Variants in FKBP15 observed in about 807,000 individuals in gnomAD.
FKBP15 encodes FKBP prolyl isomerase family member 15.
In FKBP15, 106 loss-of-function variants were observed where a neutral mutation model predicts 158.1. The observed-to-expected ratio is 0.67, with a 90% CI of 0.57 to 0.79. FKBP15 has a LOEUF of 0.79. Ranked by LOEUF, FKBP15 falls within the 30% of genes least tolerant of loss-of-function variation. The pLI is 0.00. For missense variants in FKBP15, 1,287 were observed against 1,479.1 expected (o/e 0.87, Z 2.13); for synonymous variants, 547 against 548.6 (o/e 1.00, Z 0.04).
At chr9:113,216,349 T>C (rs1401426960) in intron 1 of FKBP15, among the ~76,000 whole-genome samples, 1 of 152,190 alleles carries the variant, frequency 6.6e-6, no homozygotes, top group Admixed American at 6.5e-5. Flanking sequence ...CAAAATAAAT[T>C]TTATATGACT....
At position 113,164,021 on chromosome 9, in the gene FKBP15, A is replaced by G. The variant is rs976300243; in HGVS notation, c.*2057T>C. 4 of 152,660 alleles carry G rather than the reference A, an allele frequency of 2.6e-5. No individual in the cohort carries two copies. The highest frequency in any genetic ancestry group is 9.6e-5 in the African/African-American group (4 of 41,452). 9.5% of individuals were successfully genotyped at this position (152,660 alleles called of 1,614,324 possible). A position where few individuals can be genotyped will look rare whatever the true frequency, so the allele number is the denominator to read the frequency against. On this transcript the variant is annotated 3_prime_UTR_variant, in exon 28 of 28. Transcript: ENST00000238256. Reference sequence around the variant, plus strand: ...AACCTCTTCACTTTATAAAAAAGGAAAGAGAGAAAATCACTGCTGTATACT... The same window carrying G: ...AACCTCTTCACTTTATAAAAAAGGAGAGAGAGAAAATCACTGCTGTATACT...
Position 113,184,573 on chromosome 9 carries a change from T to G in FKBP15, c.1608+122A>C. 2.1e-6 allele frequency: 2 copies of G among 937,424 alleles called. No homozygotes were observed. The highest frequency in any genetic ancestry group is 2.2e-5 in the Admixed American group (1 of 45,950). The allele number at this position is 937,424 out of a possible 1,614,324, so 58.1% of individuals were successfully genotyped here. A position where few individuals can be genotyped will look rare whatever the true frequency, so the allele number is the denominator to read the frequency against. On this transcript the variant is annotated intron_variant, in intron 16 of 27. Coordinates refer to ENST00000238256, the MANE Select transcript of FKBP15 (RefSeq NM_015258.2). The surrounding 1 kb of genome is among the most constrained non-coding windows in gnomAD (Gnocchi z 4.5). ...ATCCCAACATAATTATAACTATCCTTGTAGGGAAATAACCTCTCACTACTA... is the reference window on the plus strand; with the variant it reads ...ATCCCAACATAATTATAACTATCCTGGTAGGGAAATAACCTCTCACTACTA...
chr9:113,198,616 GT>G lies in FKBP15; in HGVS notation c.717+238del, dbSNP rs1209014371. Among the ~76,000 whole-genome samples, 1 of 152,206 alleles carries G rather than the reference GT, an allele frequency of 6.6e-6. No individual in the cohort carries two copies. The highest frequency in any genetic ancestry group is 1.5e-5 in the Non-Finnish European group (1 of 68,042). Reference sequence around the variant, plus strand: ...AAAAATACAAAATTAGCTGGGTGTGGTGGCGCATGCCTGTAATCCCAGCTAC... The same window carrying G: ...AAAAATACAAAATTAGCTGGGTGTGGGGCGCATGCCTGTAATCCCAGCTAC... On this transcript the variant is annotated intron_variant, in intron 8 of 27. Coordinates refer to ENST00000238256, the MANE Select transcript of FKBP15 (RefSeq NM_015258.2). This position sits in a 1 kb window ranked among gnomAD's most constrained non-coding sequence, Gnocchi z 5.2.
intron 2 of FKBP15, among the ~76,000 whole-genome samples, chr9:113,209,027 AAT>A (rs1830951472): frequency 1.4e-5 from 2 of 146,198 alleles, no homozygotes; most frequent in Admixed American, 1.4e-4. Flanking sequence ...AAAAAAAAAA[AAT>A]TCCCTTGAAC....
rs1485199737 is a variant in FKBP15 at position 113,162,030 on chromosome 9, C to T, written c.*4048G>A. 4.9e-6 allele frequency: 2 copies of T among 405,866 alleles called. No homozygotes were observed. The highest frequency in any genetic ancestry group is 9.2e-6 in the Non-Finnish European group (2 of 217,448). 25.1% of individuals were successfully genotyped at this position (405,866 alleles called of 1,614,324 possible). ...CACCAGTTCCATGGGTCACTAGGCT[C>T]CCATATCCAGGAGGGGATCTGCAGC... On this transcript the variant is annotated 3_prime_UTR_variant, in exon 28 of 28. Transcript: ENST00000238256.
At chr9:113,175,564 CTTAG>C in intron 21 of FKBP15, among the ~76,000 whole-genome samples, 1 of 152,264 alleles carries the variant, frequency 6.6e-6, no homozygotes, top group South Asian at 2.1e-4. Context: ...ACTTTGTTCA[CTTAG>C]TATTTCCTGA....
chr9:113,217,790 A>T (rs902120264), intron 1 of FKBP15, among the ~76,000 whole-genome samples: 8 of 152,182 alleles, frequency 5.3e-5, no homozygotes, highest in African/African-American at 1.9e-4. Flanking sequence ...GCAGTGAGCC[A>T]TGACTGCACC....
Position 113,184,331 on chromosome 9 carries a change from T to G in FKBP15, c.1677A>C (p.Glu559Asp), listed in dbSNP as rs752369685. The G allele has an allele frequency of 2.5e-6, 4 of 1,605,950 alleles. No homozygotes were observed. The Admixed American group carries it at 6.8e-5, about 27-fold the overall frequency. Residue 559 changes from glutamate to aspartate, a missense_variant, in exon 17 of 28, where the codon GAA becomes GAC. By Grantham distance (45) the Glu-to-Asp change is conservative. Transcript: ENST00000238256. The surrounding 1 kb of genome is among the most constrained non-coding windows in gnomAD (Gnocchi z 4.5). ...GGATGTTGCTCATAATCATGCTTGT[T>G]TCCATTGTAACTGACATGCTAGGAA... ...MLIPSMSVTM[E>D]TSMIMSNIQR...
At position 113,164,751 on chromosome 9, in the gene FKBP15, A is replaced by G. The variant is rs952294155; in HGVS notation, c.*1327T>C. 6 of 152,316 alleles carry G rather than the reference A, an allele frequency of 3.9e-5. No individual in the cohort carries two copies. The highest frequency in any genetic ancestry group is 1.9e-4 in the East Asian group (1 of 5,180). 9.4% of individuals were successfully genotyped at this position (152,316 alleles called of 1,614,324 possible). On this transcript the variant is annotated 3_prime_UTR_variant, in exon 28 of 28. Coordinates refer to ENST00000238256, the MANE Select transcript of FKBP15 (RefSeq NM_015258.2). ...TGTGCTGAGGCTTCCTAGATATGTAACTTTGGGCAAATTACTTTACCTCTC... is the reference window on the plus strand; with the variant it reads ...TGTGCTGAGGCTTCCTAGATATGTAGCTTTGGGCAAATTACTTTACCTCTC...
intron 1 of FKBP15, among the ~76,000 whole-genome samples, chr9:113,214,294 C>T (rs1289289089): frequency 6.6e-6 from 1 of 152,204 alleles, no homozygotes; most frequent in African/African-American, 2.4e-5. Context: ...TGTGCTTAGC[C>T]ATGAAATGTA....
chr9:113,210,371 T>TC (rs1830977410), intron 2 of FKBP15, among the ~76,000 whole-genome samples: 1 of 149,382 alleles, frequency 6.7e-6, no homozygotes, highest in African/African-American at 2.5e-5. Flanking sequence ...TCTTGCTCTG[T>TC]TGCCAGGCTG....
At chr9:113,194,334 T>C (rs913733256) in intron 9 of FKBP15, among the ~76,000 whole-genome samples, 165 bp from the exon 10 acceptor site, 2 of 151,892 alleles carry the variant, frequency 1.3e-5, no homozygotes, top group Non-Finnish European at 2.9e-5. Context: ...AGTTAGTGGG[T>C]GCAGCACACC....
chr9:113,171,134 G>T (rs1470395748), intron 24 of FKBP15, among the ~76,000 whole-genome samples: 5 of 152,136 alleles, frequency 3.3e-5, no homozygotes, highest in Non-Finnish European at 7.4e-5. Context: ...TTAAACTCAA[G>T]AACCAAATCT....
Position 113,170,546 on chromosome 9 carries a change from C to A in FKBP15, c.2742G>T (p.Leu914=). The A allele has an allele frequency of 1.2e-6, 2 of 1,613,502 alleles. No individual in the cohort carries two copies. Among genetic ancestry groups the A allele is most frequent in the Non-Finnish European group, 1.7e-6 (2 of 1,179,458 alleles). ...CCTTGATCGTATTCATGATGGTTCC[C>A]AGAATGGTCCTGCCATTGTAAGATT... is the stretch of plus-strand genomic sequence containing the variant. ...LEESYNGRTI[L]GTIMNTIKMV... The change falls in exon 25 of 28, where the codon CTG becomes CTT. Residue 914 remains leucine (L), a synonymous_variant. Coordinates refer to ENST00000238256, the MANE Select transcript of FKBP15 (RefSeq NM_015258.2).
intron 22 of FKBP15, 139 bp from the exon 23 acceptor site, chr9:113,173,744 T>G (rs1004958413): frequency 8.5e-6 from 7 of 822,202 alleles, no homozygotes; most frequent in Non-Finnish European, 1.3e-5. Context: ...TTTAAAAGAC[T>G]CATTACTTTT....
rs1587959268 is a variant in FKBP15, at chr9:113,186,100, T to C, written c.1498+149A>G. 8.3e-6 allele frequency: 5 copies of C among 598,874 alleles called. No homozygotes were observed. In the South Asian group the frequency reaches 1.2e-4, roughly 14 times the overall value. The allele number at this position is 598,874 out of a possible 1,614,324, so 37.1% of individuals were successfully genotyped here. A position where few individuals can be genotyped will look rare whatever the true frequency, so the allele number is the denominator to read the frequency against. On this transcript the variant is annotated intron_variant, in intron 15 of 27. Transcript: ENST00000238256. ...ATTGCACATTTAAAATGAATGAATGTGTGGAATACATATTATATCTCAACA... is the reference window on the plus strand; with the variant it reads ...ATTGCACATTTAAAATGAATGAATGCGTGGAATACATATTATATCTCAACA...
At chr9:113,179,913 TGACAATGAA>T (rs1409002256) in intron 19 of FKBP15, among the ~76,000 whole-genome samples, 1 of 152,206 alleles carries the variant, frequency 6.6e-6, no homozygotes, top group African/African-American at 2.4e-5. Flanking sequence ...TAAACACAGA[TGACAATGAA>T]ATCTAGAAGT....
intron 27 of FKBP15, among the ~76,000 whole-genome samples, chr9:113,167,736 G>C (rs1017365685): frequency 5.3e-5 from 8 of 152,168 alleles, no homozygotes; most frequent in African/African-American, 1.9e-4. Context: ...GCATTTCAGA[G>C]CAGTCAAAAT....
intron 2 of FKBP15, among the ~76,000 whole-genome samples, chr9:113,209,877 C>G (rs531835918): frequency 3.3e-5 from 5 of 152,292 alleles, no homozygotes; most frequent in African/African-American, 9.6e-5. Context: ...TCTAGAATCT[C>G]AAATAAAAGC....
Sources: allele counts gnomAD v4.1 joint callset (sites outside exome capture counted in the v4.1 genomes callset), GRCh38; gene constraint gnomAD v4.1.1; non-coding constraint Gnocchi (gnomAD v3.1); transcripts MANE v1.5; gene names NCBI Gene and HGNC (gene_info 2026-07-23, HGNC 2026-07-21).